STIM2: variants seen among roughly 807,000 people sequenced by gnomAD.
STIM2 encodes stromal interaction molecule 2.
Under a neutral mutation model 85.8 loss-of-function variants are expected in STIM2, and 31 were observed. That is an observed-to-expected ratio of 0.36 (90% CI 0.27 to 0.49). The LOEUF (loss-of-function observed/expected upper bound fraction) is 0.49. STIM2 is among the 20% of genes least tolerant of loss of function. The pLI is 0.98. For missense variants in STIM2, 841 were observed against 927.6 expected, an observed-to-expected ratio of 0.91 and a Z score of 1.21; for synonymous variants, 356 against 331.1, an observed-to-expected ratio of 1.08 and a Z score of -0.82.
intron 5 of STIM2, among the ~76,000 whole-genome samples, chr4:27,000,763 A>G (rs1728124917): frequency 1.3e-5 from 2 of 152,142 alleles, no homozygotes; most frequent in African/African-American, 4.8e-5. Context: ...CACTTATGTT[A>G]GATTTATTTT....
chr4:26,977,441 G>C (rs1727241058), intron 3 of STIM2, among the ~76,000 whole-genome samples: 1 of 152,176 alleles, frequency 6.6e-6, no homozygotes, highest in Non-Finnish European at 1.5e-5. Flanking sequence ...CTTTCAAAAT[G>C]ATTATTGTAA....
chr4:26,917,070 T>G (rs761147016), intron 1 of STIM2, among the ~76,000 whole-genome samples: 19 of 152,210 alleles, frequency 1.2e-4, no homozygotes, highest in Non-Finnish European at 2.5e-4. Flanking sequence ...ATGGGTATTA[T>G]GTGAGAAGTG....
At chr4:26,920,039 G>A (rs1724739817) in intron 2 of STIM2, among the ~76,000 whole-genome samples, 1 of 152,154 alleles carries the variant, frequency 6.6e-6, no homozygotes, top group Admixed American at 6.5e-5. Context: ...GATATGGGCC[G>A]AGGTCACTAT....
At chr4:26,895,637 A>C (rs1206615929) in intron 1 of STIM2, among the ~76,000 whole-genome samples, 1 of 152,152 alleles carries the variant, frequency 6.6e-6, no homozygotes, top group Non-Finnish European at 1.5e-5. Flanking sequence ...TTAAGTCTCC[A>C]TCTTGCACTG....
intron 2 of STIM2, among the ~76,000 whole-genome samples, chr4:26,952,579 G>A (rs1334866287): frequency 6.6e-6 from 1 of 152,034 alleles, no homozygotes; most frequent in East Asian, 1.9e-4. Context: ...GAAAACTGAA[G>A]CACAGAGAGT....
At chr4:26,862,073 A>G (rs1256721613) in intron 1 of STIM2, among the ~76,000 whole-genome samples, 1 of 151,928 alleles carries the variant, frequency 6.6e-6, no homozygotes, top group East Asian at 1.9e-4. Flanking sequence ...AAAGTGCAGC[A>G]TACTCGGGGC....
At chr4:26,923,342 G>T (rs1577440264) in intron 2 of STIM2, among the ~76,000 whole-genome samples, 2 of 152,086 alleles carry the variant, frequency 1.3e-5, no homozygotes, top group African/African-American at 2.4e-5. Flanking sequence ...AAGGAACGCA[G>T]TTCCTCACCA....
chr4:26,887,463 G>C (rs1202992598), intron 1 of STIM2, among the ~76,000 whole-genome samples: 1 of 152,090 alleles, frequency 6.6e-6, no homozygotes, highest in Non-Finnish European at 1.5e-5. Flanking sequence ...TCATTCATTA[G>C]CTCCTCAGAT....
At chr4:26,992,316 A>G (rs1297267674) in intron 3 of STIM2, among the ~76,000 whole-genome samples, 1 of 152,144 alleles carries the variant, frequency 6.6e-6, no homozygotes, top group Admixed American at 6.6e-5. Context: ...TAGAGTGATG[A>G]GCAGAAGACT....
chr4:26,963,735 G>A (rs892957067), intron 3 of STIM2, among the ~76,000 whole-genome samples: 3 of 152,180 alleles, frequency 2.0e-5, no homozygotes, highest in Non-Finnish European at 4.4e-5. Flanking sequence ...TAGGGAGATG[G>A]CTCTTCAACA....
intron 1 of STIM2, among the ~76,000 whole-genome samples, chr4:26,890,772 C>T (rs965737158): frequency 8.8e-5 from 13 of 147,064 alleles, no homozygotes; most frequent in African/African-American, 2.3e-4. Context: ...TGCAGTGAGC[C>T]GAGATCCCGC....
Position 27,003,019 on chromosome 4 carries a change from A to G in STIM2, c.896A>G (p.Glu299Gly). The change falls in exon 7 of 12, where the codon GAG becomes GGG. Residue 299 changes from glutamate (E) to glycine (G), a missense_variant. Glu to Gly is a moderately conservative substitution (Grantham distance 98, BLOSUM62 -2). Coordinates refer to ENST00000467087, the MANE Select transcript of STIM2 (RefSeq NM_020860.4). ...ATGGATGAAATCAATTATGCAAAGG[A>G]GGAGGCTTGTCGGCTGAGAGAGCTA... The G allele has an allele frequency of 1.2e-6, 2 of 1,604,546 alleles. No homozygotes were observed. Among genetic ancestry groups the G allele is most frequent in the Non-Finnish European group, 1.7e-6 (2 of 1,176,732 alleles).
chr4:26,945,278 G>A (rs536201715), intron 2 of STIM2, among the ~76,000 whole-genome samples: 1 of 152,206 alleles, frequency 6.6e-6, no homozygotes, highest in East Asian at 1.9e-4. Flanking sequence ...ACATGATCTT[G>A]TTCTTTTTAT....
intron 2 of STIM2, among the ~76,000 whole-genome samples, chr4:26,935,083 A>G (rs1266047853): frequency 2.0e-5 from 3 of 152,120 alleles, no homozygotes; most frequent in Non-Finnish European, 4.4e-5. Context: ...ATGTCTTTAT[A>G]TTTTAGCTGC....
intron 10 of STIM2, among the ~76,000 whole-genome samples, chr4:27,009,472 G>A (rs1728489741): frequency 6.6e-6 from 1 of 152,198 alleles, no homozygotes; most frequent in Non-Finnish European, 1.5e-5. Flanking sequence ...GCCGCTTAAT[G>A]TATAGTAGGA....
chr4:26,993,672 G>A (rs1294892984), intron 3 of STIM2, among the ~76,000 whole-genome samples: 1 of 152,060 alleles, frequency 6.6e-6, no homozygotes, highest in African/African-American at 2.4e-5. Flanking sequence ...AGACAGTATA[G>A]AACTATTCAT....
Position 27,022,869 on chromosome 4 carries a change from G to C in STIM2, c.2114G>C (p.Ser705Thr), listed in dbSNP as rs1400968113. Residue 705 changes from serine to threonine, a missense_variant, in exon 12 of 12, where the codon AGT becomes ACT. By Grantham distance (58) the Ser-to-Thr change is moderately conservative. Coordinates refer to ENST00000467087, the MANE Select transcript of STIM2 (RefSeq NM_020860.4). ...TCATGTTCCTCAGCTGGCAACGACA[G>C]TAAACCAGTTCAGGAAGCCCCAAGT... 6.2e-7 allele frequency: 1 copy of C among 1,614,210 alleles called. No individual in the cohort carries two copies. Among genetic ancestry groups the C allele is most frequent in the Non-Finnish European group, 8.5e-7 (1 of 1,180,026 alleles).
At chr4:26,988,008 T>G (rs1322125463) in intron 3 of STIM2, among the ~76,000 whole-genome samples, 2 of 152,250 alleles carry the variant, frequency 1.3e-5, no homozygotes, top group Non-Finnish European at 2.9e-5. Flanking sequence ...TCACTTGGCC[T>G]CTCTTGGCCT....
At chr4:27,013,683 T>G (rs1728638254) in intron 10 of STIM2, among the ~76,000 whole-genome samples, 2 of 152,046 alleles carry the variant, frequency 1.3e-5, no homozygotes, top group African/African-American at 2.4e-5. Context: ...TTCTGTGAAA[T>G]GTAGCCTACC....
Sources: allele counts gnomAD v4.1 joint callset (sites outside exome capture counted in the v4.1 genomes callset), GRCh38; gene constraint gnomAD v4.1.1; transcripts MANE v1.5; gene names NCBI Gene and HGNC (gene_info 2026-07-23, HGNC 2026-07-21).